ASAP2: variants seen among roughly 807,000 people sequenced by gnomAD.
ASAP2 encodes the protein arf-GAP with SH3 domain, ANK repeat and PH domain-containing protein 2.
A neutral mutation model predicts 131.4 loss-of-function variants in ASAP2; 45 were observed. The observed-to-expected ratio is 0.34, with a 90% CI of 0.27 to 0.44. The LOEUF is 0.44. Ranked by LOEUF, ASAP2 falls within the 20% of genes least tolerant of loss-of-function variation. The pLI is 1.00. For missense variants in ASAP2, 1,011 were observed against 1,297.0 expected, an observed-to-expected ratio of 0.78 and a Z score of 3.39; for synonymous variants, 510 against 503.0, an observed-to-expected ratio of 1.01 and a Z score of -0.19.
chr2:9,379,237 C>T (rs906706835), intron 19 of ASAP2, among the ~76,000 whole-genome samples, 178 bp downstream of exon 19: 4 of 152,198 alleles, frequency 2.6e-5, no homozygotes, highest in East Asian at 3.9e-4. Context: ...TCCACGAGGC[C>T]GCATTCACCA....
In ASAP2 at chr2:9,368,375, T is replaced by C. The variant is rs778465987; in HGVS notation, c.1462-50T>C. The C allele has an allele frequency of 6.8e-6, 10 of 1,477,676 alleles. No individual in the cohort carries two copies. In the Admixed American group the frequency reaches 1.7e-4, roughly 25 times the overall value. 91.5% of individuals were successfully genotyped at this position (1,477,676 alleles called of 1,614,324 possible). A position where few individuals can be genotyped will look rare whatever the true frequency, so the allele number is the denominator to read the frequency against. ...GATGGGGATGGGTAATGTGTAGCAGTAGAATGTATTAATAATTGAGTATCC... is the reference window on the plus strand; with the variant it reads ...GATGGGGATGGGTAATGTGTAGCAGCAGAATGTATTAATAATTGAGTATCC... On this transcript the variant is annotated intron_variant, in intron 15 of 27. Coordinates refer to ENST00000281419, the MANE Select transcript of ASAP2 (RefSeq NM_003887.3).
At chr2:9,296,761 G>C (rs1025110120) in intron 2 of ASAP2, among the ~76,000 whole-genome samples, 1 of 152,226 alleles carries the variant, frequency 6.6e-6, no homozygotes, top group Non-Finnish European at 1.5e-5. Flanking sequence ...GGAAGCATGA[G>C]TCTGTAGGAT....
intron 7 of ASAP2, among the ~76,000 whole-genome samples, chr2:9,331,124 C>T (rs1463141392): frequency 1.3e-5 from 2 of 152,240 alleles, no homozygotes; most frequent in East Asian, 1.9e-4. Flanking sequence ...CACAGCTTTG[C>T]CTGCTGGGTG....
At chr2:9,298,428 C>G (rs754775942) in intron 3 of ASAP2, among the ~76,000 whole-genome samples, 7 of 152,174 alleles carry the variant, frequency 4.6e-5, no homozygotes, top group African/African-American at 1.7e-4. Context: ...CCCGTCTTCA[C>G]TTATGAACAT....
chr2:9,335,100 A>C lies in ASAP2; in HGVS notation c.770A>C (p.Gln257Pro). 6.2e-7 allele frequency: 1 copy of C among 1,614,114 alleles called. No individual in the cohort carries two copies. The highest frequency in any genetic ancestry group is 8.5e-7 in the Non-Finnish European group (1 of 1,179,958). Reference sequence around the variant, plus strand: ...GTGTGTGTGTTTTTAAAGATCAAACAGGCCCAGGATGAAGAAAGAAGGCAG... The same window carrying C: ...GTGTGTGTGTTTTTAAAGATCAAACCGGCCCAGGATGAAGAAAGAAGGCAG... ...TLSTDLHTIKQAQDEERRQLI... is the reference protein window; with the variant it reads ...TLSTDLHTIKPAQDEERRQLI... Residue 257 changes from glutamine to proline, a missense_variant, in exon 9 of 28, where the codon CAG becomes CCG. Physicochemically the swap from Gln to Pro is moderately conservative, Grantham distance 76. This residue lies in a region of ASAP2 where 359 missense variants were observed against 598.1 expected (regional missense o/e 0.60). Transcript: ENST00000281419.
intron 16 of ASAP2, among the ~76,000 whole-genome samples, chr2:9,374,157 T>C (rs1337132877): frequency 6.6e-6 from 1 of 152,246 alleles, no homozygotes; most frequent in African/African-American, 2.4e-5. Flanking sequence ...GGGCGGAGTC[T>C]GAGCATGTTG....
chr2:9,259,208 C>G (rs577355387), intron 1 of ASAP2, among the ~76,000 whole-genome samples: 18 of 152,336 alleles, frequency 1.2e-4, no homozygotes, highest in African/African-American at 4.1e-4. Flanking sequence ...GGAAAACAAA[C>G]AAAGAAAGTA....
At chr2:9,299,451 A>T (rs1434427073) in intron 3 of ASAP2, among the ~76,000 whole-genome samples, 2 of 152,248 alleles carry the variant, frequency 1.3e-5, no homozygotes, top group Non-Finnish European at 2.9e-5. Context: ...GCAAGGCTTA[A>T]AAACTTTGGC....
At chr2:9,338,397 C>G (rs1030873308) in intron 9 of ASAP2, among the ~76,000 whole-genome samples, 5 of 152,070 alleles carry the variant, frequency 3.3e-5, no homozygotes, top group African/African-American at 4.8e-5. Context: ...AGCATCCTGT[C>G]TAGTAGGATG....
intron 1 of ASAP2, among the ~76,000 whole-genome samples, chr2:9,211,788 C>T (rs1331190602): frequency 1.3e-5 from 2 of 152,132 alleles, no homozygotes; most frequent in Non-Finnish European, 2.9e-5. Context: ...TGCTTTTTGG[C>T]AAGAATGTGA....
chr2:9,256,246 G>C (rs1429914718), intron 1 of ASAP2, among the ~76,000 whole-genome samples: 1 of 151,648 alleles, frequency 6.6e-6, no homozygotes, highest in Non-Finnish European at 1.5e-5. Flanking sequence ...TGCCAACCAT[G>C]TGCCAGCTTG....
intron 25 of ASAP2, among the ~76,000 whole-genome samples, 177 bp downstream of exon 25, chr2:9,400,249 T>C (rs188505839): frequency 0.18 from 3,740 of 20,810 alleles, 1 homozygote; most frequent in Middle Eastern, 0.38. Context: ...TCCTGCCCCC[T>C]TCCCCTCCTG....
chr2:9,295,565 A>G (rs1350551509), intron 2 of ASAP2, among the ~76,000 whole-genome samples: 1 of 152,156 alleles, frequency 6.6e-6, no homozygotes. Context: ...CGTCACTGTG[A>G]CTTACCAAGG....
At chr2:9,210,931 A>G (rs112910928) in intron 1 of ASAP2, among the ~76,000 whole-genome samples, 36,410 of 151,468 alleles carry the variant, frequency 0.24, 4,704 homozygotes, top group Non-Finnish European at 0.29. Flanking sequence ...CAAGGCGGGC[A>G]GATCACTTGG....
intron 1 of ASAP2, among the ~76,000 whole-genome samples, chr2:9,219,597 A>G (rs1206763404): frequency 6.6e-6 from 1 of 152,254 alleles, no homozygotes; most frequent in Non-Finnish European, 1.5e-5. Flanking sequence ...GCTGAATCAT[A>G]TCTTCAAGTT....
chr2:9,306,589 G>A (rs1442666467), intron 3 of ASAP2, among the ~76,000 whole-genome samples: 1 of 151,886 alleles, frequency 6.6e-6, no homozygotes, highest in Non-Finnish European at 1.5e-5. Flanking sequence ...CAAGGTTGAT[G>A]AGAAGGAAAA....
At chr2:9,259,200 AAAAC>A (rs1326000476) in intron 1 of ASAP2, among the ~76,000 whole-genome samples, 2 of 152,218 alleles carry the variant, frequency 1.3e-5, no homozygotes, top group Admixed American at 6.5e-5. Context: ...CTTTGGATGG[AAAAC>A]AAACAAAGAA....
intron 15 of ASAP2, among the ~76,000 whole-genome samples, chr2:9,367,027 A>ATTTTTTTTTTTTTTTTTTTTT (rs1171661319): frequency 3.8e-5 from 5 of 132,934 alleles, no homozygotes; most frequent in African/African-American, 1.2e-4. Context: ...TGCCTGCATA[A>ATTTTTTTTTTTTTTTTTTTTT]TTTTTTTTTT....
At chr2:9,328,078 A>G (rs541730018) in intron 7 of ASAP2, among the ~76,000 whole-genome samples, 167 bp downstream of exon 7, 79 of 152,344 alleles carry the variant, frequency 5.2e-4, no homozygotes, top group Admixed American at 1.4e-3. Flanking sequence ...AACACGTTCA[A>G]TGAAGGAAGC....
Sources: allele counts gnomAD v4.1 joint callset (sites outside exome capture counted in the v4.1 genomes callset), GRCh38; gene constraint gnomAD v4.1.1; regional missense constraint gnomAD v4.1.1; transcripts MANE v1.5; gene names NCBI Gene and HGNC (gene_info 2026-07-23, HGNC 2026-07-21).